Variants in MTMR7 observed in about 807,000 individuals in gnomAD.
MTMR7 encodes the protein myotubularin related protein 7.
Under a neutral mutation model 81.2 loss-of-function variants are expected in MTMR7, and 76 were observed. The ratio of observed to expected loss-of-function variants is 0.94; its 90% CI spans 0.78 to 1.13. The LOEUF is 1.13. MTMR7 is among the 50% of genes most tolerant of loss of function. The probability of loss-of-function intolerance (pLI) is 0.00; values close to 1 mark genes in which losing one functional copy is unlikely to be tolerated. For synonymous variants in MTMR7, 372 were observed against 289.8 expected, an observed-to-expected ratio of 1.28 and a Z score of -2.88; for missense variants, 1,044 against 820.0, an observed-to-expected ratio of 1.27 and a Z score of -3.34.
chr8:17,349,771 T>A (rs1008060326), intron 4 of MTMR7, among the ~76,000 whole-genome samples: 3 of 152,220 alleles, frequency 2.0e-5, no homozygotes, highest in African/African-American at 4.8e-5. Flanking sequence ...TAAGGATCGA[T>A]GTACTCTTTC....
chr8:17,314,480 C>A (rs1378903001), intron 7 of MTMR7, among the ~76,000 whole-genome samples: 1 of 152,132 alleles, frequency 6.6e-6, no homozygotes, highest in Admixed American at 6.5e-5. Flanking sequence ...CCAGATTCAA[C>A]TTTGTGAACT....
intron 6 of MTMR7, among the ~76,000 whole-genome samples, chr8:17,339,977 G>A (rs933695102): frequency 1.3e-5 from 2 of 152,212 alleles, no homozygotes; most frequent in Non-Finnish European, 2.9e-5. Context: ...TTGAGATGGA[G>A]TTTCGCTCTT....
intron 1 of MTMR7, among the ~76,000 whole-genome samples, chr8:17,407,631 T>C (rs573771938): frequency 2.6e-5 from 4 of 151,338 alleles, no homozygotes; most frequent in East Asian, 1.9e-4. Context: ...CTTCTAAAAG[T>C]ATGTTTTGAA....
intron 12 of MTMR7, chr8:17,302,508 A>G (rs1035843629): frequency 1.1e-5 from 5 of 456,222 alleles, no homozygotes; most frequent in Non-Finnish European, 1.9e-5. Flanking sequence ...CTGCCTGTAT[A>G]TATGAATTAG....
chr8:17,368,248 C>A (rs372733280), intron 3 of MTMR7, among the ~76,000 whole-genome samples: 1 of 152,170 alleles, frequency 6.6e-6, no homozygotes, highest in Non-Finnish European at 1.5e-5. Context: ...CGCTTGCACG[C>A]CCGCCACTCA....
intron 7 of MTMR7, among the ~76,000 whole-genome samples, chr8:17,318,026 A>C (rs1218123497): frequency 6.6e-6 from 1 of 152,144 alleles, no homozygotes; most frequent in Non-Finnish European, 1.5e-5. Context: ...TGTGCAAGGC[A>C]GAAGCTGGAA....
chr8:17,360,306 G>C (rs1820019831), intron 4 of MTMR7, among the ~76,000 whole-genome samples: 2 of 152,120 alleles, frequency 1.3e-5, no homozygotes, highest in Non-Finnish European at 2.9e-5. Context: ...ATCTCTGAAT[G>C]ATGGCAGTTT....
chr8:17,302,346 C>A, intron 12 of MTMR7, 66 bp from the exon 13 acceptor site: 2 of 1,529,058 alleles, frequency 1.3e-6, no homozygotes, highest in Non-Finnish European at 1.8e-6. Context: ...ATCCTCAAGT[C>A]TTCTAAGGTA....
chr8:17,304,746 C>CGTGTGTGTGTGTGTGTGTGTGTGTGT (rs10527892), intron 11 of MTMR7, among the ~76,000 whole-genome samples: 2,606 of 147,026 alleles, frequency 0.018, 47 homozygotes, highest in African/African-American at 0.031. Flanking sequence ...GTGTTCGATT[C>CGTGTGTGTGTGTGTGTGTGTGTGTGT]GTGTGTGTGT....
At chr8:17,359,467 C>T (rs1419145659) in intron 4 of MTMR7, among the ~76,000 whole-genome samples, 1 of 151,408 alleles carries the variant, frequency 6.6e-6, no homozygotes, top group African/African-American at 2.4e-5. Context: ...ATTATGGTAG[C>T]ATGTGCCTGT....
chr8:17,367,047 A>G (rs1407425494), intron 3 of MTMR7, among the ~76,000 whole-genome samples: 1 of 152,156 alleles, frequency 6.6e-6, no homozygotes, highest in Non-Finnish European at 1.5e-5. Context: ...GGACTGTTAA[A>G]GCTAACACAG....
intron 5 of MTMR7, among the ~76,000 whole-genome samples, chr8:17,342,249 C>A (rs896519170): frequency 6.6e-6 from 1 of 152,172 alleles, no homozygotes; most frequent in Non-Finnish European, 1.5e-5. Context: ...TATAAAACTT[C>A]GGCTTTTGTG....
In MTMR7 at chr8:17,341,482, T is replaced by C; in HGVS notation, c.613A>G (p.Ser205Gly). Residue 205 changes from serine to glycine, a missense_variant, in exon 6 of 14, where the codon AGC becomes GGC. Physicochemically the swap from Ser to Gly is moderately conservative, Grantham distance 56. Coordinates refer to ENST00000180173, the MANE Select transcript of MTMR7 (RefSeq NM_004686.5). ...YKDNHASICRSSQPLSGFSAR... is the reference protein window; with the variant it reads ...YKDNHASICRGSQPLSGFSAR... ...CTGAAGCCGGACAGGGGCTGGCTGC[T>C]CCGGCAGATGGAGGCCTAGGGGGAG... 6.2e-7 allele frequency: 1 copy of C among 1,613,794 alleles called. No individual in the cohort carries two copies. Among genetic ancestry groups the C allele is most frequent in the African/African-American group, 1.3e-5 (1 of 75,000 alleles).
intron 3 of MTMR7, among the ~76,000 whole-genome samples, chr8:17,368,590 T>G (rs1820310344): frequency 6.6e-6 from 1 of 152,176 alleles, no homozygotes; most frequent in Admixed American, 6.5e-5. Flanking sequence ...CTGTTTCATG[T>G]CTAACCCCTT....
intron 7 of MTMR7, among the ~76,000 whole-genome samples, chr8:17,323,799 C>T (rs181432786): frequency 6.6e-6 from 1 of 152,152 alleles, no homozygotes; most frequent in South Asian, 2.1e-4. Flanking sequence ...CCTTTTATCA[C>T]TAACATTAGC....
Position 17,412,703 on chromosome 8 carries a change from T to C in MTMR7, c.24+566A>G, listed in dbSNP as rs1414029090. 3.3e-5 allele frequency among the ~76,000 whole-genome samples: 5 copies of C among 152,276 alleles called. No homozygotes were observed. The East Asian group carries it at 9.7e-4, about 29-fold the overall frequency. On this transcript the variant is annotated intron_variant, in intron 1 of 13. Transcript: ENST00000180173. ...GACTGGAAAAGGCAAGAACACACCA[T>C]CATTCAACCTACAATGAATATTGAT...
At chr8:17,349,434 T>C in intron 4 of MTMR7, 1 of 196,180 alleles carries the variant, frequency 5.1e-6, no homozygotes, top group East Asian at 1.1e-4. Flanking sequence ...GCTGCCAGGA[T>C]TTGCTTGAAA....
chr8:17,389,401 G>C (rs981755056), intron 1 of MTMR7, among the ~76,000 whole-genome samples: 41 of 152,096 alleles, frequency 2.7e-4, no homozygotes, highest in Non-Finnish European at 1.2e-4. Context: ...ACTCACACTA[G>C]AACTGTGGGA....
At chr8:17,355,933 T>A (rs989471960) in intron 4 of MTMR7, among the ~76,000 whole-genome samples, 1 of 152,154 alleles carries the variant, frequency 6.6e-6, no homozygotes, top group African/African-American at 2.4e-5. Flanking sequence ...TAAATCCACA[T>A]GGTTATATAA....
Sources: gnomAD v4.1 joint callset for allele counts (sites outside exome capture counted in the v4.1 genomes callset) on GRCh38, gnomAD v4.1.1 for gene constraint, MANE v1.5 for transcripts, NCBI Gene and HGNC (gene_info 2026-07-23, HGNC 2026-07-21) for gene names.